MARCHF1: variants seen among roughly 807,000 people sequenced by gnomAD.
The protein encoded by MARCHF1 is E3 ubiquitin-protein ligase MARCHF1.
In MARCHF1, 40 loss-of-function variants were observed where a neutral mutation model predicts 54.2. That is an observed-to-expected ratio of 0.74 (90% CI 0.57 to 0.96). The LOEUF (loss-of-function observed/expected upper bound fraction) is 0.96. MARCHF1 is among the 40% of genes least tolerant of loss of function. MARCHF1 has a pLI of 0.00. For synonymous variants in MARCHF1, 236 were observed against 236.3 expected (o/e 1.00, Z 0.01); for missense variants, 586 against 656.5 (o/e 0.89, Z 1.17).
chr4:163,969,808 C>T (rs1321550960), intron 3 of MARCHF1, among the ~76,000 whole-genome samples: 1 of 152,112 alleles, frequency 6.6e-6, no homozygotes, highest in Non-Finnish European at 1.5e-5. Flanking sequence ...AATGATGCTA[C>T]TCAATGTAGT....
chr4:164,153,425 T>G (rs763018252), intron 1 of MARCHF1, among the ~76,000 whole-genome samples: 4 of 152,104 alleles, frequency 2.6e-5, no homozygotes, highest in Non-Finnish European at 4.4e-5. Flanking sequence ...TCAAAATATA[T>G]AAACACAAGT....
At position 163,655,268 on chromosome 4, in the gene MARCHF1, CT is replaced by C. The variant is rs1332732987; in HGVS notation, c.163-41876del. ...TTCATGACATTTCGTACTTAATTTT[CT>C]TCTTGAATAAGTAAATTTTTAAAGT... is the stretch of plus-strand genomic sequence containing the variant. On this transcript the variant is annotated intron_variant, in intron 5 of 9. Coordinates refer to ENST00000514618, the MANE Select transcript of MARCHF1 (RefSeq NM_001394959.1). Among the ~76,000 whole-genome samples, 3 of 151,402 alleles carry C rather than the reference CT, an allele frequency of 2.0e-5. No homozygotes were observed. The Admixed American group carries it at 2.0e-4, about 10-fold the overall frequency.
intron 1 of MARCHF1, among the ~76,000 whole-genome samples, chr4:164,346,865 A>G (rs1429257152): frequency 6.6e-6 from 1 of 151,986 alleles, no homozygotes; most frequent in Non-Finnish European, 1.5e-5. Flanking sequence ...ATCATACCTA[A>G]AAGAGTCAGG....
intron 2 of MARCHF1, among the ~76,000 whole-genome samples, chr4:164,067,149 A>T (rs1754748316): frequency 6.6e-6 from 1 of 152,218 alleles, no homozygotes; most frequent in South Asian, 2.1e-4. Context: ...TTTGATCATT[A>T]CAATGTCCAT....
chr4:163,981,577 C>A (rs1455544014), intron 3 of MARCHF1, among the ~76,000 whole-genome samples: 1 of 152,134 alleles, frequency 6.6e-6, no homozygotes, highest in Non-Finnish European at 1.5e-5. Context: ...GCAAGTGGCT[C>A]AGGGTGATAT....
intron 2 of MARCHF1, among the ~76,000 whole-genome samples, chr4:164,067,389 A>C (rs1440365484): frequency 2.6e-5 from 4 of 152,216 alleles, no homozygotes; most frequent in Non-Finnish European, 4.4e-5. Context: ...GCAGACATGT[A>C]GACCAATGGA....
intron 9 of MARCHF1, among the ~76,000 whole-genome samples, chr4:163,542,102 A>C (rs1400277713): frequency 6.6e-6 from 1 of 152,250 alleles, no homozygotes; most frequent in East Asian, 1.9e-4. Flanking sequence ...GCCAAATATA[A>C]AAATCATGTC....
chr4:163,595,949 C>A (rs1740754137), intron 7 of MARCHF1, among the ~76,000 whole-genome samples: 1 of 150,576 alleles, frequency 6.6e-6, no homozygotes. Flanking sequence ...AACTATTTGC[C>A]CATAAAAAAA....
chr4:163,878,317 T>C (rs1560800353), intron 3 of MARCHF1, among the ~76,000 whole-genome samples: 3 of 152,224 alleles, frequency 2.0e-5, no homozygotes, highest in Non-Finnish European at 2.9e-5. Context: ...TGCTCATGCA[T>C]ATGAATCTGT....
At chr4:164,094,923 C>A (rs907486087) in intron 2 of MARCHF1, among the ~76,000 whole-genome samples, 3 of 152,080 alleles carry the variant, frequency 2.0e-5, no homozygotes, top group Admixed American at 2.0e-4. Flanking sequence ...CACATCTTTA[C>A]ATTACAAAAG....
chr4:164,129,770 C>T (rs1268153573), intron 1 of MARCHF1, among the ~76,000 whole-genome samples: 3 of 151,910 alleles, frequency 2.0e-5, no homozygotes, highest in African/African-American at 7.3e-5. Context: ...CAGGGAACAA[C>T]ATACACTGGG....
At position 163,707,786 on chromosome 4, in the gene MARCHF1, TAAAAAAAAAAAAAA is replaced by T. The variant is rs777522371; in HGVS notation, c.112-6937_112-6924del. On this transcript the variant is annotated intron_variant, in intron 4 of 9. Transcript: ENST00000514618. ...CTTAATATACAACTCTGTTTTGAAC[TAAAAAAAAAAAAAA>T]AAAAAAAAGAATCCCAGCAATAAAG... 2.7e-3 allele frequency among the ~76,000 whole-genome samples: 178 copies of T among 65,928 alleles called. 1 individual carries two copies. Among genetic ancestry groups the T allele is most frequent in the African/African-American group, 8.4e-3 (171 of 20,392 alleles). 43.3% of individuals were successfully genotyped at this position (65,928 alleles called of 152,430 possible).
At chr4:164,007,345 C>CAAAA (rs56306052) in intron 2 of MARCHF1, among the ~76,000 whole-genome samples, 15 of 81,762 alleles carry the variant, frequency 1.8e-4, no homozygotes, top group African/African-American at 7.2e-4. Flanking sequence ...GACTCCATCT[C>CAAAA]AAAAAAAAAA....
intron 5 of MARCHF1, among the ~76,000 whole-genome samples, chr4:163,617,232 T>G (rs530582181): frequency 6.6e-6 from 1 of 152,136 alleles, no homozygotes; most frequent in Non-Finnish European, 1.5e-5. Flanking sequence ...ATTGTGGTCA[T>G]TGGAGACTGG....
intron 3 of MARCHF1, among the ~76,000 whole-genome samples, chr4:163,870,289 TG>T (rs1348541394): frequency 2.0e-5 from 3 of 152,134 alleles, no homozygotes; most frequent in Non-Finnish European, 4.4e-5. Context: ...AAGATGTGTC[TG>T]AAAAATATTT....
At chr4:163,876,716 AG>A (rs1201597273) in intron 3 of MARCHF1, among the ~76,000 whole-genome samples, 4 of 152,148 alleles carry the variant, frequency 2.6e-5, no homozygotes, top group African/African-American at 9.6e-5. Context: ...AAAAGGAAAA[AG>A]GGTATTGAAA....
At chr4:163,945,150 A>G (rs1751998690) in intron 3 of MARCHF1, among the ~76,000 whole-genome samples, 1 of 152,186 alleles carries the variant, frequency 6.6e-6, no homozygotes, top group Non-Finnish European at 1.5e-5. Context: ...CAAGAAAATA[A>G]TGTCACACAT....
intron 1 of MARCHF1, among the ~76,000 whole-genome samples, chr4:164,341,850 AC>A (rs765694203): frequency 2.0e-5 from 3 of 152,240 alleles, no homozygotes; most frequent in Non-Finnish European, 1.5e-5. Context: ...ACATAATCTC[AC>A]ATAAAGTAAA....
chr4:164,351,010 C>A (rs1169027466), intron 1 of MARCHF1, among the ~76,000 whole-genome samples: 1 of 152,000 alleles, frequency 6.6e-6, no homozygotes, highest in Non-Finnish European at 1.5e-5. Flanking sequence ...ACGGACGCAC[C>A]TGGAAAATCG....
Sources: allele counts gnomAD v4.1 joint callset (sites outside exome capture counted in the v4.1 genomes callset), GRCh38; gene constraint gnomAD v4.1.1; transcripts MANE v1.5; gene names NCBI Gene and HGNC (gene_info 2026-07-23, HGNC 2026-07-21).